ASH1L: variants seen among roughly 807,000 people sequenced by gnomAD.
ASH1L encodes ASH1 like histone lysine methyltransferase.
ASH1L carries 23 observed loss-of-function variants against 269.0 expected under a neutral mutation model. The observed-to-expected ratio is 0.09, with a 90% CI of 0.06 to 0.12. The LOEUF is 0.12. ASH1L is among the 10% of genes least tolerant of loss of function. ASH1L has a pLI of 1.00. For synonymous variants in ASH1L, 1,187 were observed against 1,253.5 expected, an observed-to-expected ratio of 0.95 and a Z score of 1.12; for missense variants, 2,912 against 3,567.8, an observed-to-expected ratio of 0.82 and a Z score of 4.68.
At chr1:155,337,777 T>A in intron 27 of ASH1L, 26 bp from the exon 28 acceptor site, 2 of 1,587,768 alleles carry the variant, frequency 1.3e-6, no homozygotes, top group Non-Finnish European at 1.7e-6. Flanking sequence ...AGGAGGCTCA[T>A]CAAAATACCA....
chr1:155,512,197 A>G (rs1240030393), intron 2 of ASH1L, among the ~76,000 whole-genome samples: 2 of 152,024 alleles, frequency 1.3e-5, no homozygotes, highest in Non-Finnish European at 2.9e-5. Context: ...CACAATCTCA[A>G]TAGGAGTTCC....
intron 2 of ASH1L, among the ~76,000 whole-genome samples, chr1:155,488,792 G>A (rs1244955485): frequency 6.7e-6 from 1 of 150,306 alleles, no homozygotes; most frequent in Non-Finnish European, 1.5e-5. Flanking sequence ...CTTTAAGAGA[G>A]CATATTATCA....
At chr1:155,442,326 G>T (rs574468148) in intron 4 of ASH1L, among the ~76,000 whole-genome samples, 1 of 151,514 alleles carries the variant, frequency 6.6e-6, no homozygotes, top group Admixed American at 6.6e-5. Context: ...GGTGGCTTAC[G>T]CCTGTAATCC....
At chr1:155,355,097 C>T (rs1375085787) in intron 15 of ASH1L, among the ~76,000 whole-genome samples, 1 of 152,182 alleles carries the variant, frequency 6.6e-6, no homozygotes, top group Non-Finnish European at 1.5e-5. Context: ...CCTCTGTTGC[C>T]TAGGCTGGAG....
intron 4 of ASH1L, among the ~76,000 whole-genome samples, chr1:155,455,559 G>A (rs1004151403): frequency 2.6e-5 from 4 of 152,174 alleles, no homozygotes; most frequent in African/African-American, 9.7e-5. Context: ...ACTATACCTA[G>A]AAGGTTAGGA....
At chr1:155,495,952 C>G (rs764145954) in intron 2 of ASH1L, among the ~76,000 whole-genome samples, 71 of 152,072 alleles carry the variant, frequency 4.7e-4, no homozygotes, top group Admixed American at 2.8e-3. Context: ...GAGCCGAGAT[C>G]GTGCTATTGC....
At chr1:155,535,254 G>C (rs532982434) in intron 1 of ASH1L, among the ~76,000 whole-genome samples, 1 of 148,982 alleles carries the variant, frequency 6.7e-6, no homozygotes, top group South Asian at 2.1e-4. Flanking sequence ...TTTTAAGACT[G>C]GGTTTTGCTC....
intron 5 of ASH1L, among the ~76,000 whole-genome samples, chr1:155,425,978 T>C (rs1308521966): frequency 6.6e-6 from 1 of 151,454 alleles, no homozygotes; most frequent in Admixed American, 6.6e-5. Context: ...AAGCTCTGCC[T>C]CCTGGGTTCA....
chr1:155,468,813 T>C (rs906926219), intron 3 of ASH1L, among the ~76,000 whole-genome samples: 6 of 152,160 alleles, frequency 3.9e-5, no homozygotes, highest in African/African-American at 1.2e-4. Flanking sequence ...TTAAAAATCA[T>C]ATGTAATTAT....
At chr1:155,422,833 T>C (rs923118358) in intron 5 of ASH1L, among the ~76,000 whole-genome samples, 1 of 151,628 alleles carries the variant, frequency 6.6e-6, no homozygotes, top group African/African-American at 2.4e-5. Flanking sequence ...GTGTTTTTAA[T>C]AGAGACAGGT....
intron 1 of ASH1L, among the ~76,000 whole-genome samples, chr1:155,534,805 AAG>A (rs1186034449): frequency 9.9e-5 from 15 of 152,212 alleles, no homozygotes; most frequent in African/African-American, 3.6e-4. Flanking sequence ...AAGAACAATG[AAG>A]AACAATTCTT....
At chr1:155,378,197 G>T in intron 10 of ASH1L, 84 bp downstream of exon 10, 2 of 993,928 alleles carry the variant, frequency 2.0e-6, no homozygotes, top group Non-Finnish European at 1.5e-6. Flanking sequence ...AAATCAAAGA[G>T]CCTATTTAAC....
chr1:155,530,577 A>AT (rs1365643474), intron 1 of ASH1L, among the ~76,000 whole-genome samples: 2 of 151,026 alleles, frequency 1.3e-5, no homozygotes, highest in African/African-American at 4.9e-5. Flanking sequence ...AAAAAAAAAA[A>AT]ATACAAAAAT....
intron 7 of ASH1L, among the ~76,000 whole-genome samples, chr1:155,382,264 C>G (rs952467764): frequency 6.6e-6 from 1 of 151,468 alleles, no homozygotes; most frequent in Non-Finnish European, 1.5e-5. Context: ...TTTGGGAGGC[C>G]GAGGTGGGCA....
At chr1:155,341,584 TGA>T (rs1017530712) in intron 25 of ASH1L, among the ~76,000 whole-genome samples, 1 of 152,050 alleles carries the variant, frequency 6.6e-6, no homozygotes, top group Non-Finnish European at 1.5e-5. Flanking sequence ...GTGTTCTCAA[TGA>T]GAGAGAGGAA....
At chr1:155,437,943 G>A (rs959300393) in intron 5 of ASH1L, among the ~76,000 whole-genome samples, 1 of 152,162 alleles carries the variant, frequency 6.6e-6, no homozygotes, top group Admixed American at 6.6e-5. Flanking sequence ...CAGCCTCCTG[G>A]ATTCAAGCAA....
At chr1:155,528,211 T>A (rs1669409786) in intron 1 of ASH1L, among the ~76,000 whole-genome samples, 1 of 152,188 alleles carries the variant, frequency 6.6e-6, no homozygotes. Context: ...CTATTCTTCC[T>A]ACAGGTTTCA....
intron 25 of ASH1L, among the ~76,000 whole-genome samples, chr1:155,339,994 G>A (rs1375712554): frequency 6.6e-6 from 1 of 152,080 alleles, no homozygotes; most frequent in African/African-American, 2.4e-5. Context: ...GAAACATGTT[G>A]CACATGACTG....
Position 155,480,014 on chromosome 1 carries a change from A to G in ASH1L, c.2856T>C (p.His952=), listed in dbSNP as rs1665840265. ...CACTCATACTACAGACACTTGGCCT[A>G]TGACTGTCATCTAGGTCATCTGGAT... ...LQDPDDLDDS[H]RPSVCSMSDL... Residue 952 remains histidine, a synonymous_variant, in exon 3 of 28, where the codon CAT becomes CAC. Transcript: ENST00000392403. 2 of 1,613,910 alleles carry G rather than the reference A, an allele frequency of 1.2e-6. No individual in the cohort carries two copies. Among genetic ancestry groups the G allele is most frequent in the African/African-American group, 2.7e-5 (2 of 74,906 alleles).
Sources: gnomAD v4.1 joint callset for allele counts (sites outside exome capture counted in the v4.1 genomes callset) on GRCh38, gnomAD v4.1.1 for gene constraint, MANE v1.5 for transcripts, NCBI Gene and HGNC (gene_info 2026-07-23, HGNC 2026-07-21) for gene names.